The following STARD9 variants were observed in gnomAD, a reference collection of about 807,000 sequenced individuals.
The protein encoded by STARD9 is stAR-related lipid transfer protein 9.
In STARD9, 346 loss-of-function variants were observed where a neutral mutation model predicts 399.8. That is an observed-to-expected ratio of 0.87 (90% CI 0.79 to 0.95). STARD9 has a LOEUF of 0.95. Among genes scored for constraint, STARD9 ranks in the 40% least tolerant of loss-of-function variants. The pLI is 0.00. For synonymous variants in STARD9, 2,203 were observed against 2,143.5 expected (o/e 1.03, Z -0.77); for missense variants, 5,832 against 5,667.5 (o/e 1.03, Z -0.93).
At chr15:42,676,206 G>T (rs1035508765) in intron 20 of STARD9, among the ~76,000 whole-genome samples, 1 of 152,072 alleles carries the variant, frequency 6.6e-6, no homozygotes, top group Admixed American at 6.6e-5. Flanking sequence ...TTGGTATTTC[G>T]ACTTTTTTCA....
At chr15:42,636,128 C>T (rs1259041444) in intron 4 of STARD9, among the ~76,000 whole-genome samples, 2 of 152,124 alleles carry the variant, frequency 1.3e-5, no homozygotes, top group Non-Finnish European at 2.9e-5. Flanking sequence ...GAGACTCCAT[C>T]TCTACAAAAA....
Position 42,675,884 on chromosome 15 carries a change from G to A in STARD9, c.1783G>A (p.Ala595Thr). The A allele has an allele frequency of 6.5e-7, 1 of 1,537,252 alleles. No homozygotes were observed. The highest frequency in any genetic ancestry group is 8.7e-7 in the Non-Finnish European group (1 of 1,146,902). Reference protein sequence around the residue: ...LRQRRQVGEAAAGRGSLEWLD... With the variant: ...LRQRRQVGEATAGRGSLEWLD... ...TTCCTTGTTCAAGGTTGGAGAGGCTGCTGCTGGTCGTGGCTCGTTGGAGTG... is the reference window on the plus strand; with the variant it reads ...TTCCTTGTTCAAGGTTGGAGAGGCTACTGCTGGTCGTGGCTCGTTGGAGTG... Residue 595 changes from alanine (A) to threonine (T), a missense_variant, in exon 20 of 33, where the codon GCT becomes ACT. Ala to Thr is a moderately conservative substitution (Grantham distance 58, BLOSUM62 0). Coordinates refer to ENST00000290607, the MANE Select transcript of STARD9 (RefSeq NM_020759.3).
At chr15:42,585,496 C>T in intron 2 of STARD9, 25 bp from the exon 3 acceptor site, 1 of 1,467,890 alleles carries the variant, frequency 6.8e-7, no homozygotes, top group Non-Finnish European at 9.2e-7. Flanking sequence ...ATAGAAAAGA[C>T]ACTGGATCCT....
rs185512143 is a variant in STARD9, at chr15:42,651,002, C to T, written c.560-14C>T. On this transcript the variant is annotated splice_polypyrimidine_tract_variant and intron_variant, in intron 7 of 32. Transcript: ENST00000290607. ...CTCATTTAATTTCTTTTTTCCGTTT[C>T]ACAAATCCGATAGGTTTATCTCAAC... 2.5e-4 allele frequency: 378 copies of T among 1,496,268 alleles called. 1 individual carries two copies. The highest frequency in any genetic ancestry group is 8.5e-4 in the Middle Eastern group (5 of 5,858). The allele number at this position is 1,496,268 out of a possible 1,614,324, so 92.7% of individuals were successfully genotyped here.
At chr15:42,641,634 T>C (rs1415133329) in intron 7 of STARD9, among the ~76,000 whole-genome samples, 2 of 151,546 alleles carry the variant, frequency 1.3e-5, no homozygotes, top group African/African-American at 4.9e-5. Context: ...GACAGAGTTT[T>C]GCACTTATTG....
In STARD9 at chr15:42,681,448, A is replaced by G. The variant is rs1311866504; in HGVS notation, c.1901A>G (p.Glu634Gly). ...AGAGCGCTTGAAGAGCAATGTGACGAGGACCATCAGACACCGAGGGATGGA... is the reference window on the plus strand; with the variant it reads ...AGAGCGCTTGAAGAGCAATGTGACGGGGACCATCAGACACCGAGGGATGGA... ...ERRALEEQCD[E>G]DHQTPRDGET... Residue 634 changes from glutamate to glycine, a missense_variant, in exon 21 of 33, where the codon GAG (glutamate) becomes GGG (glycine). Glu to Gly is a moderately conservative substitution (Grantham distance 98, BLOSUM62 -2). This residue lies in a region of STARD9 where 5,828 missense variants were observed against 5,651.1 expected (regional missense o/e 1.03). Coordinates refer to ENST00000290607, the MANE Select transcript of STARD9 (RefSeq NM_020759.3). 6.5e-7 allele frequency: 1 copy of G among 1,536,854 alleles called. No homozygotes were observed. Among genetic ancestry groups the G allele is most frequent in the Non-Finnish European group, 8.7e-7 (1 of 1,146,834 alleles).
In STARD9 at chr15:42,718,500, G is replaced by C. The variant is rs1345252622; in HGVS notation, c.13828G>C (p.Val4610Leu). The C allele has an allele frequency of 2.0e-6, 3 of 1,537,210 alleles. No individual in the cohort carries two copies. The East Asian group carries it at 7.3e-5, about 38-fold the overall frequency. The change falls in exon 31 of 33, where the codon GTG becomes CTG. Residue 4610 changes from valine (V) to leucine (L), a missense_variant. Transcript: ENST00000290607. ...GCCACGGGATTTCTGTTGTGTCTGC[G>C]TGGAAGCCAAAGAGGTGCCTGCCTT... ...KQPRDFCCVC[V>L]EAKEGHLSVM...
intron 26 of STARD9, among the ~76,000 whole-genome samples, chr15:42,711,006 G>C (rs2061206832): frequency 6.6e-6 from 1 of 151,270 alleles, no homozygotes; most frequent in Admixed American, 6.6e-5. Flanking sequence ...TTAAGAGACA[G>C]GGTCTCTGTC....
intron 20 of STARD9, 106 bp downstream of exon 20, chr15:42,676,081 A>G: frequency 1.1e-6 from 1 of 875,160 alleles, no homozygotes; most frequent in Non-Finnish European, 1.8e-6. Flanking sequence ...GTAGCAGCCA[A>G]GGTCTGAATG....
chr15:42,591,984 T>C (rs2058404891), intron 3 of STARD9, among the ~76,000 whole-genome samples: 1 of 152,234 alleles, frequency 6.6e-6, no homozygotes, highest in Non-Finnish European at 1.5e-5. Flanking sequence ...GGAGCAAGAA[T>C]TCAAATTCAA....
At position 42,684,506 on chromosome 15, in the gene STARD9, G is replaced by A. The variant is rs149673205; in HGVS notation, c.2928G>A (p.Gly976=). The A allele has an allele frequency of 2.0e-4, 303 of 1,537,190 alleles. 1 individual carries two copies. The African/African-American group carries it at 3.6e-3, about 18-fold the overall frequency. Residue 976 remains glycine, a synonymous_variant, in exon 23 of 33, where the codon GGG becomes GGA. Coordinates refer to ENST00000290607, the MANE Select transcript of STARD9 (RefSeq NM_020759.3). ...KIFTSTTQTR[G]AKGLADPSHT... ...TCACCTCTACTACCCAGACCAGAGG[G>A]GCGAAGGGACTAGCAGACCCTAGCC...
intron 26 of STARD9, among the ~76,000 whole-genome samples, chr15:42,707,315 A>G (rs988920018): frequency 3.3e-5 from 5 of 152,232 alleles, no homozygotes; most frequent in African/African-American, 1.2e-4. Context: ...TTAAGGCATT[A>G]TTTGAAGTGG....
chr15:42,684,952 A>G lies in STARD9; in HGVS notation c.3374A>G (p.Lys1125Arg). The G allele has an allele frequency of 6.5e-7, 1 of 1,537,070 alleles. No individual in the cohort carries two copies. Among genetic ancestry groups the G allele is most frequent in the Non-Finnish European group, 8.7e-7 (1 of 1,146,922 alleles). Residue 1125 changes from lysine to arginine, a missense_variant, in exon 23 of 33, where the codon AAG becomes AGG. Around this residue, in one of 2 missense-constraint regions of STARD9, gnomAD observed 5,828 missense variants for 5,651.1 expected, o/e 1.03. Coordinates refer to ENST00000290607, the MANE Select transcript of STARD9 (RefSeq NM_020759.3). ...VYAKALIEPL[K>R]PEERKWDFPE... ...GCCAAAGCCCTGATAGAGCCACTGAAGCCAGAGGAGAGGAAATGGGATTTC... is the reference window on the plus strand; with the variant it reads ...GCCAAAGCCCTGATAGAGCCACTGAGGCCAGAGGAGAGGAAATGGGATTTC...
chr15:42,675,188 A>T (rs2060284716), intron 18 of STARD9, among the ~76,000 whole-genome samples: 1 of 152,234 alleles, frequency 6.6e-6, no homozygotes. Context: ...TGTGTTAATT[A>T]GCTCTGTCTC....
At chr15:42,681,753 A>G (rs1319260391) in intron 21 of STARD9, 141 bp downstream of exon 21, 1 of 783,278 alleles carries the variant, frequency 1.3e-6, no homozygotes, top group East Asian at 2.7e-5. Flanking sequence ...TTTCTTTTAG[A>G]CACCAGAGAT....
chr15:42,632,432 A>G (rs1374709536), intron 3 of STARD9, among the ~76,000 whole-genome samples: 1 of 152,092 alleles, frequency 6.6e-6, no homozygotes, highest in Non-Finnish European at 1.5e-5. Context: ...TTACATTCAA[A>G]GTTATTATTG....
At position 42,710,205 on chromosome 15, in the gene STARD9, GTGCA is replaced by G. The variant is rs1157478194; in HGVS notation, c.13285-6471_13285-6468del. ...CCTCCTGAGTACCTGGAGTACAGGT[GTGCA>G]CCACCATGCCCGGGTACTTTTGTAT... On this transcript the variant is annotated intron_variant, in intron 26 of 32. Coordinates refer to ENST00000290607, the MANE Select transcript of STARD9 (RefSeq NM_020759.3). 4.6e-3 allele frequency among the ~76,000 whole-genome samples: 704 copies of G among 151,890 alleles called. 10 individuals carry two copies. Among genetic ancestry groups the G allele is most frequent in the African/African-American group, 0.016 (669 of 41,360 alleles).
chr15:42,583,456 G>A (rs567737872), intron 2 of STARD9, 41 bp downstream of exon 2: 4 of 1,435,080 alleles, frequency 2.8e-6, no homozygotes, highest in Non-Finnish European at 3.8e-6. Context: ...CCACTGAGGA[G>A]CTAATATTGT....
At chr15:42,581,594 TC>T in intron 1 of STARD9, 1 of 757,298 alleles carries the variant, frequency 1.3e-6, no homozygotes, top group East Asian at 2.7e-5. Flanking sequence ...TGCGCACTCC[TC>T]GCTCGCTTCC....
Sources: allele counts gnomAD v4.1 joint callset (sites outside exome capture counted in the v4.1 genomes callset), GRCh38; gene constraint gnomAD v4.1.1; regional missense constraint gnomAD v4.1.1; transcripts MANE v1.5; gene names NCBI Gene and HGNC (gene_info 2026-07-23, HGNC 2026-07-21).